Variants in BRINP3 observed in about 807,000 individuals in gnomAD.
The protein encoded by BRINP3 is BMP/retinoic acid-inducible neural-specific protein 3.
Under a neutral mutation model 71.0 loss-of-function variants are expected in BRINP3, and 19 were observed. The ratio of observed to expected loss-of-function variants is 0.27; its 90% CI spans 0.19 to 0.39. The LOEUF is 0.39. BRINP3 is among the 10% of genes least tolerant of loss of function. BRINP3 has a pLI of 1.00. For missense variants in BRINP3, 959 were observed against 940.8 expected, an observed-to-expected ratio of 1.02 and a Z score of -0.25; for synonymous variants, 380 against 337.7, an observed-to-expected ratio of 1.13 and a Z score of -1.37.
chr1:190,139,125 T>C (rs1655212882), intron 7 of BRINP3, among the ~76,000 whole-genome samples: 1 of 150,940 alleles, frequency 6.6e-6, no homozygotes, highest in Non-Finnish European at 1.5e-5. Flanking sequence ...AATAGATGGG[T>C]CACTGTCAGA....
chr1:190,223,467 C>A (rs984496828), intron 6 of BRINP3, among the ~76,000 whole-genome samples: 3 of 151,798 alleles, frequency 2.0e-5, no homozygotes, highest in Non-Finnish European at 4.4e-5. Flanking sequence ...AACAACAGTT[C>A]ATGATAAAAA....
chr1:190,161,161 C>G (rs1402954580), intron 6 of BRINP3, among the ~76,000 whole-genome samples: 1 of 151,914 alleles, frequency 6.6e-6, no homozygotes, highest in Non-Finnish European at 1.5e-5. Context: ...ATAGTTGAAG[C>G]AGAAAGTTTA....
At chr1:190,207,360 A>G (rs1029801918) in intron 6 of BRINP3, among the ~76,000 whole-genome samples, 1 of 152,132 alleles carries the variant, frequency 6.6e-6, no homozygotes, top group African/African-American at 2.4e-5. Flanking sequence ...AGTTCACACA[A>G]CACAACTACC....
At chr1:190,142,894 T>C (rs1039729476) in intron 7 of BRINP3, among the ~76,000 whole-genome samples, 2 of 152,042 alleles carry the variant, frequency 1.3e-5, no homozygotes, top group Non-Finnish European at 2.9e-5. Flanking sequence ...ACTAAAACTA[T>C]GCCTGGAAAA....
chr1:190,153,264 G>A (rs1293772223), intron 7 of BRINP3, among the ~76,000 whole-genome samples: 1 of 152,180 alleles, frequency 6.6e-6, no homozygotes, highest in Non-Finnish European at 1.5e-5. Context: ...TTTGCATTTA[G>A]ACCATTATCT....
chr1:190,319,953 T>C (rs1033315074), intron 2 of BRINP3, among the ~76,000 whole-genome samples: 4 of 152,102 alleles, frequency 2.6e-5, no homozygotes, highest in African/African-American at 9.7e-5. Flanking sequence ...ATTTTAAAAA[T>C]AGAAAATGGA....
intron 6 of BRINP3, among the ~76,000 whole-genome samples, chr1:190,204,905 G>C (rs992155681): frequency 2.0e-5 from 3 of 151,170 alleles, no homozygotes; most frequent in African/African-American, 7.3e-5. Context: ...TCCATTATTG[G>C]TTCCTTCTTT....
chr1:190,312,887 C>G (rs1240074945), intron 2 of BRINP3, among the ~76,000 whole-genome samples: 15 of 151,704 alleles, frequency 9.9e-5, no homozygotes, highest in Admixed American at 9.9e-4. Context: ...ATAACCTGTT[C>G]TGGGAATATG....
At chr1:190,214,163 C>A (rs1656214643) in intron 6 of BRINP3, among the ~76,000 whole-genome samples, 1 of 152,064 alleles carries the variant, frequency 6.6e-6, no homozygotes, top group Admixed American at 6.6e-5. Flanking sequence ...TTCAAAATTT[C>A]AGAACTGCTC....
intron 3 of BRINP3, among the ~76,000 whole-genome samples, chr1:190,269,397 A>T (rs904321899): frequency 2.0e-5 from 3 of 152,136 alleles, no homozygotes; most frequent in Non-Finnish European, 4.4e-5. Context: ...TCCAACAGTA[A>T]GGACATAAAA....
chr1:190,343,366 A>C (rs539047136), intron 2 of BRINP3, among the ~76,000 whole-genome samples: 1 of 152,000 alleles, frequency 6.6e-6, no homozygotes, highest in South Asian at 2.1e-4. Flanking sequence ...TTTGCACAGT[A>C]AAGTGAAAAC....
At chr1:190,464,036 A>T (rs906311422) in intron 1 of BRINP3, among the ~76,000 whole-genome samples, 1 of 151,926 alleles carries the variant, frequency 6.6e-6, no homozygotes, top group Non-Finnish European at 1.5e-5. Flanking sequence ...AATAAACAAT[A>T]ATATGTAAAA....
intron 6 of BRINP3, among the ~76,000 whole-genome samples, chr1:190,218,012 C>T (rs1188661739): frequency 5.9e-5 from 9 of 151,956 alleles, no homozygotes; most frequent in African/African-American, 2.2e-4. Flanking sequence ...GTATGTCCTT[C>T]AGAGTATTTA....
chr1:190,293,362 A>T (rs1024304523), intron 2 of BRINP3, among the ~76,000 whole-genome samples: 1 of 152,040 alleles, frequency 6.6e-6, no homozygotes, highest in South Asian at 2.1e-4. Flanking sequence ...TTCTAGTTTT[A>T]GTCCATTATG....
intron 2 of BRINP3, among the ~76,000 whole-genome samples, chr1:190,353,864 A>G (rs139418086): frequency 6.6e-6 from 1 of 151,958 alleles, no homozygotes; most frequent in Non-Finnish European, 1.5e-5. Flanking sequence ...TCCCTTTAAC[A>G]TCCTCTAAAT....
chr1:190,195,417 G>A (rs889812814), intron 6 of BRINP3, among the ~76,000 whole-genome samples: 2 of 151,970 alleles, frequency 1.3e-5, no homozygotes, highest in Non-Finnish European at 2.9e-5. Flanking sequence ...CTCCCTTGGT[G>A]AAGAAAATGT....
At chr1:190,306,758 G>A (rs1057185712) in intron 2 of BRINP3, among the ~76,000 whole-genome samples, 45 of 151,756 alleles carry the variant, frequency 3.0e-4, no homozygotes, top group Non-Finnish European at 5.0e-4. Context: ...TTAGACACAA[G>A]AATGAGGTTA....
At chr1:190,334,373 C>T (rs1358994386) in intron 2 of BRINP3, among the ~76,000 whole-genome samples, 6 of 151,616 alleles carry the variant, frequency 4.0e-5, no homozygotes, top group Non-Finnish European at 8.8e-5. Context: ...CAAGTCTTGG[C>T]TAAATATGTG....
chr1:190,295,949 T>G (rs80343259), intron 2 of BRINP3, among the ~76,000 whole-genome samples: 4,901 of 152,204 alleles, frequency 0.032, 105 homozygotes, highest in Non-Finnish European at 0.05. Flanking sequence ...TTAATCTGTA[T>G]AGTTATTCAA....
Sources: allele counts gnomAD v4.1 joint callset (sites outside exome capture counted in the v4.1 genomes callset), GRCh38; gene constraint gnomAD v4.1.1; transcripts MANE v1.5; gene names NCBI Gene and HGNC (gene_info 2026-07-23, HGNC 2026-07-21).